PLPP3: variants seen among roughly 807,000 people sequenced by gnomAD.
PLPP3 encodes PAP2 beta.
In PLPP3, 6 loss-of-function variants were observed where a neutral mutation model predicts 29.6. The observed-to-expected ratio is 0.20, with a 90% CI of 0.11 to 0.40. The LOEUF is 0.40. Ranked by LOEUF, PLPP3 falls within the 10% of genes least tolerant of loss-of-function variation. The pLI is 1.00. For synonymous variants in PLPP3, 152 were observed against 159.7 expected (o/e 0.95, Z 0.36); for missense variants, 308 against 407.7 (o/e 0.76, Z 2.11).
intron 1 of PLPP3, among the ~76,000 whole-genome samples, chr1:56,568,846 T>A (rs953227271): frequency 1.7e-4 from 26 of 151,908 alleles, no homozygotes; most frequent in Non-Finnish European, 2.2e-4. Flanking sequence ...AGGCTGGTCT[T>A]GAACTCCTGA....
At chr1:56,558,911 A>G (rs1489286871) in intron 1 of PLPP3, among the ~76,000 whole-genome samples, 1 of 152,250 alleles carries the variant, frequency 6.6e-6, no homozygotes, top group South Asian at 2.1e-4. Context: ...AACACAGTCA[A>G]GACCTCCAAC....
At chr1:56,542,878 C>T (rs760678642) in intron 1 of PLPP3, among the ~76,000 whole-genome samples, 14 of 151,324 alleles carry the variant, frequency 9.3e-5, no homozygotes, top group African/African-American at 3.2e-4. Context: ...AAAAATTAGC[C>T]GAGTGTGGTG....
chr1:56,563,816 G>A (rs1029651791), intron 1 of PLPP3, among the ~76,000 whole-genome samples: 3 of 152,112 alleles, frequency 2.0e-5, no homozygotes, highest in African/African-American at 4.8e-5. Context: ...AGTTAATAAC[G>A]TATGAAAAGC....
chr1:56,515,159 C>T (rs1268073097), intron 4 of PLPP3, among the ~76,000 whole-genome samples: 1 of 152,186 alleles, frequency 6.6e-6, no homozygotes, highest in Non-Finnish European at 1.5e-5. Context: ...AGTGTAGCAA[C>T]CACTCTCTTA....
intron 1 of PLPP3, among the ~76,000 whole-genome samples, chr1:56,569,884 T>TC (rs746540178): frequency 6.6e-5 from 10 of 152,198 alleles, no homozygotes; most frequent in Middle Eastern, 3.4e-3. Context: ...CAATACCTTC[T>TC]CCCCCTTCCT....
Position 56,538,958 on chromosome 1 carries a change from G to GCAAAAAAAAAAAAAACAAA in PLPP3, c.140-1847_140-1846insTTTGTTTTTTTTTTTTTTG, listed in dbSNP as rs1372930114. ...AAAATAAATACAAGACTTCTGGGCT[G>GCAAAAAAAAAAAAAACAAA]CAAAAAAAAAAAACACAGTGGATAA... is the stretch of plus-strand genomic sequence containing the variant. On this transcript the variant is annotated intron_variant, in intron 1 of 5. Coordinates refer to ENST00000371250, the MANE Select transcript of PLPP3 (RefSeq NM_003713.5). 7.5e-5 allele frequency: 3 copies of GCAAAAAAAAAAAAAACAAA among 39,742 alleles called. No homozygotes were observed. The East Asian group carries it at 1.1e-3, about 14-fold the overall frequency. 2.5% of individuals were successfully genotyped at this position (39,742 alleles called of 1,614,324 possible). A position where few individuals can be genotyped will look rare whatever the true frequency, so the allele number is the denominator to read the frequency against.
chr1:56,526,852 C>T (rs960178925), intron 2 of PLPP3, among the ~76,000 whole-genome samples: 2 of 152,098 alleles, frequency 1.3e-5, no homozygotes, highest in Admixed American at 6.5e-5. Flanking sequence ...GAGATGACAC[C>T]AGAAGCAGGG....
At chr1:56,497,610 A>G (rs1645638909) in intron 5 of PLPP3, among the ~76,000 whole-genome samples, 1 of 152,226 alleles carries the variant, frequency 6.6e-6, no homozygotes, top group South Asian at 2.1e-4. Context: ...CTAAAACACT[A>G]TCAAAGTTTC....
chr1:56,576,043 T>A (rs1646233361), intron 1 of PLPP3, among the ~76,000 whole-genome samples: 1 of 152,230 alleles, frequency 6.6e-6, no homozygotes, highest in East Asian at 1.9e-4. Context: ...AAACTCCCAC[T>A]GGTGTTATTT....
At chr1:56,545,274 A>G (rs1156634863) in intron 1 of PLPP3, among the ~76,000 whole-genome samples, 2 of 152,220 alleles carry the variant, frequency 1.3e-5, no homozygotes, top group African/African-American at 4.8e-5. Context: ...ATCACTGTAC[A>G]ATAAGAGTTG....
chr1:56,513,296 C>G (rs1181669293), intron 4 of PLPP3: 2 of 152,618 alleles, frequency 1.3e-5, no homozygotes, highest in African/African-American at 4.8e-5. Context: ...GTTCTAACCT[C>G]TGGGCACAAC....
intron 4 of PLPP3, among the ~76,000 whole-genome samples, chr1:56,516,524 C>G (rs11206834): frequency 0.12 from 18,170 of 152,136 alleles, 1,104 homozygotes; most frequent in South Asian, 0.17. Context: ...CTGGACAAAA[C>G]CTGAAAGTCT....
At chr1:56,530,510 T>C (rs945648759) in intron 2 of PLPP3, among the ~76,000 whole-genome samples, 15 of 152,354 alleles carry the variant, frequency 9.8e-5, no homozygotes, top group Admixed American at 5.9e-4. Context: ...CCTCTAGTTC[T>C]GCTCAAGATG....
At chr1:56,571,326 G>A (rs911225899) in intron 1 of PLPP3, among the ~76,000 whole-genome samples, 4 of 152,122 alleles carry the variant, frequency 2.6e-5, no homozygotes, top group African/African-American at 9.7e-5. Flanking sequence ...ACGTCACAGT[G>A]CACACAGAAT....
At chr1:56,552,936 T>C (rs1557511919) in intron 1 of PLPP3, among the ~76,000 whole-genome samples, 1 of 152,170 alleles carries the variant, frequency 6.6e-6, no homozygotes, top group Non-Finnish European at 1.5e-5. Context: ...AGTTCAAGGT[T>C]GGATTCTTCT....
At chr1:56,525,853 T>C (rs745934507) in intron 2 of PLPP3, among the ~76,000 whole-genome samples, 10 of 152,066 alleles carry the variant, frequency 6.6e-5, no homozygotes, top group South Asian at 2.1e-4. Flanking sequence ...CCCAATATTC[T>C]TTTACAGTGG....
At chr1:56,570,026 A>G (rs1245734093) in intron 1 of PLPP3, among the ~76,000 whole-genome samples, 1 of 152,200 alleles carries the variant, frequency 6.6e-6, no homozygotes, top group Non-Finnish European at 1.5e-5. Flanking sequence ...AGTGTTTGTC[A>G]TTAGGCAAAA....
intron 1 of PLPP3, among the ~76,000 whole-genome samples, chr1:56,552,587 A>T (rs72664362): frequency 3.9e-5 from 6 of 151,990 alleles, no homozygotes; most frequent in South Asian, 2.1e-4. Context: ...CTGCCCTCAG[A>T]GAGCTCCTGG....
intron 1 of PLPP3, among the ~76,000 whole-genome samples, chr1:56,562,466 G>A (rs1646137226): frequency 6.6e-6 from 1 of 152,152 alleles, no homozygotes; most frequent in African/African-American, 2.4e-5. Context: ...CTAAAATGCA[G>A]TCGAAAAAGG....
Sources: gnomAD v4.1 joint callset for allele counts (sites outside exome capture counted in the v4.1 genomes callset) on GRCh38, gnomAD v4.1.1 for gene constraint, MANE v1.5 for transcripts, NCBI Gene and HGNC (gene_info 2026-07-23, HGNC 2026-07-21) for gene names.